RSF1: variants seen among roughly 807,000 people sequenced by gnomAD.
The protein encoded by RSF1 is remodeling and spacing factor 1.
Under a neutral mutation model 145.2 loss-of-function variants are expected in RSF1, and 13 were observed. The ratio of observed to expected loss-of-function variants is 0.09; its 90% CI spans 0.06 to 0.14. The LOEUF (loss-of-function observed/expected upper bound fraction) is 0.14, where lower values mean the gene tolerates loss of function less well. Among genes scored for constraint, RSF1 ranks in the 10% least tolerant of loss-of-function variants. The pLI is 1.00. For missense variants in RSF1, 1,517 were observed against 1,718.2 expected, an observed-to-expected ratio of 0.88 and a Z score of 2.07; for synonymous variants, 577 against 592.6, an observed-to-expected ratio of 0.97 and a Z score of 0.38.
upstream of RSF1, among the ~76,000 whole-genome samples, chr11:77,822,347 G>T (rs1948950368): frequency 7.2e-6 from 1 of 139,400 alleles, no homozygotes; most frequent in Non-Finnish European, 1.5e-5. Flanking sequence ...CCGGGGAGGC[G>T]AAGGTTGCAG....
At chr11:77,849,324 C>T in the RSF1 span, among the ~76,000 whole-genome samples, 6 of 152,050 alleles carry the variant, frequency 3.9e-5, no homozygotes, top group South Asian at 2.1e-4. Context: ...CGGGTTCAAG[C>T]GATTCTCTTG....
chr11:77,820,422 A>G, intron 1 of RSF1, 106 bp downstream of exon 1: 3 of 1,206,830 alleles, frequency 2.5e-6, no homozygotes, highest in Non-Finnish European at 2.3e-6. Context: ...GGGGGAAGAC[A>G]GAGCCGCGGA....
intron 7 of RSF1, among the ~76,000 whole-genome samples, chr11:77,697,081 C>T (rs987435827): frequency 5.9e-5 from 9 of 152,176 alleles, no homozygotes; most frequent in South Asian, 2.1e-4. Context: ...TGAGTCCCAC[C>T]TTACAATAAA....
intron 1 of RSF1, among the ~76,000 whole-genome samples, chr11:77,802,581 T>C (rs987077522): frequency 1.3e-5 from 2 of 152,194 alleles, no homozygotes; most frequent in Non-Finnish European, 2.9e-5. Flanking sequence ...TTTACTCTTA[T>C]TGCTCAGGCT....
chr11:77,762,032 T>TTCTTTTTC (rs1431718071), intron 2 of RSF1: 5 of 100,640 alleles, frequency 5.0e-5, no homozygotes, highest in Non-Finnish European at 1.1e-4. Flanking sequence ...CTTTTCTTTT[T>TTCTTTTTC]TTTTTTTTTT....
chr11:77,788,185 TAA>T (rs771986764), intron 1 of RSF1, among the ~76,000 whole-genome samples: 1 of 52,992 alleles, frequency 1.9e-5, no homozygotes, highest in Non-Finnish European at 3.7e-5. Context: ...AAATTAGGGG[TAA>T]AAAAAAAAAA....
the RSF1 span, among the ~76,000 whole-genome samples, chr11:77,852,955 C>T: frequency 4.6e-5 from 7 of 152,104 alleles, no homozygotes; most frequent in African/African-American, 1.2e-4. Flanking sequence ...GATGGGTACT[C>T]GATTGCTTTC....
intron 5 of RSF1, among the ~76,000 whole-genome samples, chr11:77,705,723 T>C (rs149701810): frequency 1.2e-3 from 183 of 152,114 alleles, no homozygotes; most frequent in Non-Finnish European, 2.0e-3. Flanking sequence ...CCAGATTCTA[T>C]ACACAATACC....
chr11:77,668,713 GATTT>G (rs1959439567), intron 15 of RSF1, among the ~76,000 whole-genome samples: 1 of 152,044 alleles, frequency 6.6e-6, no homozygotes, highest in Non-Finnish European at 1.5e-5. Flanking sequence ...ATATTCTAGA[GATTT>G]ATTTAAAGTA....
intron 5 of RSF1, among the ~76,000 whole-genome samples, chr11:77,721,640 C>G (rs1960942582): frequency 6.6e-6 from 1 of 152,170 alleles, no homozygotes; most frequent in Non-Finnish European, 1.5e-5. Flanking sequence ...TGAAAATGAT[C>G]TGACAATATA....
Position 77,701,544 on chromosome 11 carries a change from C to T in RSF1, c.1685G>A (p.Cys562Tyr). ...AGACTTCTCTTCACCTTTCATGGTACACGACTCGGTGGAAGATAAAGCAGT... is the reference window on the plus strand; with the variant it reads ...AGACTTCTCTTCACCTTTCATGGTATACGACTCGGTGGAAGATAAAGCAGT... ...SKTALSSTES[C>Y]TMKGEEKSPK... The change falls in exon 6 of 16, where the codon TGT becomes TAT. Residue 562 changes from cysteine to tyrosine, a missense_variant. This residue lies in a region of RSF1 where 579 missense variants were observed against 553.5 expected (regional missense o/e 1.05). Transcript: ENST00000308488. 6.2e-7 allele frequency: 1 copy of T among 1,614,028 alleles called. No individual in the cohort carries two copies. The highest frequency in any genetic ancestry group is 8.5e-7 in the Non-Finnish European group (1 of 1,179,972).
the RSF1 span, among the ~76,000 whole-genome samples, chr11:77,846,225 G>T: frequency 3.3e-5 from 5 of 152,018 alleles, no homozygotes; most frequent in African/African-American, 9.7e-5. Context: ...TTACATTGCT[G>T]GAATCAGATG....
chr11:77,867,769 C>G, the RSF1 span, among the ~76,000 whole-genome samples: 5 of 152,178 alleles, frequency 3.3e-5, no homozygotes, highest in Non-Finnish European at 7.3e-5. Flanking sequence ...TCCTTTAATG[C>G]TCAATTCATC....
In RSF1 at chr11:77,665,843, TGTAGACTTCAATTTGAA is replaced by T. The variant is rs1310224624; in HGVS notation, c.*1057_*1073del. On this transcript the variant is annotated 3_prime_UTR_variant, in exon 16 of 16. Coordinates refer to ENST00000308488, the MANE Select transcript of RSF1 (RefSeq NM_016578.4). ...AACCTCCCAAAGGAACTGCTTTGTTTGTAGACTTCAATTTGAAGTAGATACTAAGGGCAAGAATAGAC... is the reference window on the plus strand; with the variant it reads ...AACCTCCCAAAGGAACTGCTTTGTTTGTAGATACTAAGGGCAAGAATAGAC... The T allele has an allele frequency of 6.6e-6, 1 of 152,162 alleles. No individual in the cohort carries two copies. Among genetic ancestry groups the T allele is most frequent in the African/African-American group, 2.4e-5 (1 of 41,438 alleles). 9.4% of individuals were successfully genotyped at this position (152,162 alleles called of 1,614,324 possible).
At chr11:77,732,216 G>C (rs1032372816) in intron 4 of RSF1, among the ~76,000 whole-genome samples, 2 of 152,224 alleles carry the variant, frequency 1.3e-5, no homozygotes, top group South Asian at 4.1e-4. Context: ...CTGGATTTCG[G>C]ACTTGCATGG....
intron 1 of RSF1, among the ~76,000 whole-genome samples, chr11:77,780,174 C>CT (rs1948388552): frequency 6.6e-6 from 1 of 152,144 alleles, no homozygotes; most frequent in Non-Finnish European, 1.5e-5. Flanking sequence ...ACCATGCATT[C>CT]CATAAAGACT....
chr11:77,789,837 T>G (rs1455343298), intron 1 of RSF1, among the ~76,000 whole-genome samples: 1 of 152,226 alleles, frequency 6.6e-6, no homozygotes, highest in African/African-American at 2.4e-5. Context: ...AACAGGGGAC[T>G]GCTCAGCCCA....
chr11:77,837,568 T>G, the RSF1 span, among the ~76,000 whole-genome samples: 1 of 151,932 alleles, frequency 6.6e-6, no homozygotes, highest in Non-Finnish European at 1.5e-5. Flanking sequence ...CCCGGGTAGA[T>G]AGGACTACAG....
intron 1 of RSF1, among the ~76,000 whole-genome samples, chr11:77,765,299 C>CA (rs1948214663): frequency 6.6e-6 from 1 of 152,162 alleles, no homozygotes. Context: ...ACAGATACGA[C>CA]AGAAATTAAA....
Sources: allele counts gnomAD v4.1 joint callset (sites outside exome capture counted in the v4.1 genomes callset), GRCh38; gene constraint gnomAD v4.1.1; regional missense constraint gnomAD v4.1.1; transcripts MANE v1.5; gene names NCBI Gene and HGNC (gene_info 2026-07-23, HGNC 2026-07-21).